The following ABCA4 variants were observed in gnomAD, a reference collection of about 807,000 sequenced individuals.
ABCA4 encodes retinal-specific phospholipid-transporting ATPase ABCA4.
Under a neutral mutation model 263.7 loss-of-function variants are expected in ABCA4, and 196 were observed. The observed-to-expected ratio is 0.74, with a 90% CI of 0.66 to 0.84. ABCA4 has a LOEUF of 0.84. ABCA4 is among the 40% of genes least tolerant of loss of function. The pLI is 0.00. For missense variants in ABCA4, 2,792 were observed against 2,855.1 expected (o/e 0.98, Z 0.50); for synonymous variants, 1,133 against 1,094.2 (o/e 1.04, Z -0.70).
rs1661079055 is a variant in ABCA4 at position 94,060,099 on chromosome 1, A to G, written c.2160+438T>C. Among the ~76,000 whole-genome samples the G allele has an allele frequency of 3.3e-5, 5 of 152,220 alleles. No individual in the cohort carries two copies. In the South Asian group the frequency reaches 6.2e-4, roughly 19 times the overall value. ...GTAAATAATCCAGATCTCCTCCCCT[A>G]CTGCTACTGAAAAGGCAAAAGGCTT... is the stretch of plus-strand genomic sequence containing the variant. On this transcript the variant is annotated intron_variant, in intron 14 of 49. Transcript: ENST00000370225.
intron 19 of ABCA4, 27 bp downstream of exon 19, chr1:94,046,892 A>G (rs777360362): frequency 6.2e-7 from 1 of 1,612,034 alleles, no homozygotes; most frequent in Admixed American, 1.7e-5. Flanking sequence ...CTAGCATGGC[A>G]GCCAGCTTCT....
At chr1:94,011,794 CTG>C (rs1056406471) in intron 38 of ABCA4, among the ~76,000 whole-genome samples, 1 of 152,212 alleles carries the variant, frequency 6.6e-6, no homozygotes, top group African/African-American at 2.4e-5. Flanking sequence ...CTAGGTGACT[CTG>C]GGGGTGACAG....
intron 6 of ABCA4, among the ~76,000 whole-genome samples, chr1:94,088,473 T>G (rs549619446): frequency 2.6e-5 from 4 of 152,364 alleles, no homozygotes; most frequent in African/African-American, 9.6e-5. Flanking sequence ...CCCCAGAGCT[T>G]CAGACTTACA....
At chr1:94,009,510 C>T (rs1219017242) in intron 40 of ABCA4, among the ~76,000 whole-genome samples, 1 of 152,186 alleles carries the variant, frequency 6.6e-6, no homozygotes, top group African/African-American at 2.4e-5. Flanking sequence ...ACTAACTCCT[C>T]TGTCAGCAAT....
chr1:94,018,684 AT>A (rs1389700929), intron 36 of ABCA4: 1 of 444,638 alleles, frequency 2.2e-6, no homozygotes. Context: ...AAATGTTGAG[AT>A]TTTACTACTC....
intron 5 of ABCA4, 65 bp downstream of exon 5, chr1:94,102,950 T>C: frequency 1.2e-6 from 2 of 1,606,090 alleles, no homozygotes; most frequent in Non-Finnish European, 1.7e-6. Flanking sequence ...AATATATTTC[T>C]TGCCTTTCTC....
intron 26 of ABCA4, among the ~76,000 whole-genome samples, chr1:94,035,671 C>T (rs1263739768): frequency 6.6e-6 from 1 of 152,112 alleles, no homozygotes; most frequent in Non-Finnish European, 1.5e-5. Context: ...TGTTAGGAGC[C>T]CAGGGGCAGC....
At chr1:94,048,834 C>T (rs756041039) in intron 18 of ABCA4, 34 bp downstream of exon 18, 159 of 1,604,834 alleles carry the variant, frequency 9.9e-5, no homozygotes, top group South Asian at 8.3e-4. Context: ...GCCTTTTCCT[C>T]GCCTCTGCTG....
intron 36 of ABCA4, among the ~76,000 whole-genome samples, 191 bp from the exon 37 acceptor site, chr1:94,016,045 C>T (rs1353457289): frequency 6.6e-6 from 1 of 152,170 alleles, no homozygotes; most frequent in East Asian, 1.9e-4. Context: ...ACCCCATGCC[C>T]TACCTCCCTG....
intron 5 of ABCA4, 65 bp downstream of exon 5, chr1:94,102,950 T>G: frequency 3.1e-6 from 5 of 1,606,090 alleles, no homozygotes; most frequent in Non-Finnish European, 4.3e-6. Flanking sequence ...AATATATTTC[T>G]TGCCTTTCTC....
At position 94,010,921 on chromosome 1, in the gene ABCA4, G is replaced by A. The variant is rs201707267; in HGVS notation, c.5593C>T (p.His1865Tyr). The A allele has an allele frequency of 6.6e-5, 107 of 1,614,058 alleles. No individual in the cohort carries two copies. In the East Asian group the frequency reaches 2.2e-3, roughly 33 times the overall value. Residue 1865 changes from histidine (H) to tyrosine (Y), a missense_variant, in exon 40 of 50, where the codon CAC (histidine) becomes TAC (tyrosine). His to Tyr is a moderately conservative substitution (Grantham distance 83, BLOSUM62 2). Transcript: ENST00000370225. Reference sequence around the variant, plus strand: ...TCCCAGTGGAACGGATTTGCAGAGTGCTCCTCACCTGGGCATCAACAGGAA... The same window carrying A: ...TCCCAGTGGAACGGATTTGCAGAGTACTCCTCACCTGGGCATCAACAGGAA... The part of the protein sequence containing the change: ...TDVYARFGEE[H>Y]SANPFHWDLI...
At chr1:94,024,149 C>T (rs556492674) in intron 31 of ABCA4, among the ~76,000 whole-genome samples, 1 of 152,278 alleles carries the variant, frequency 6.6e-6, no homozygotes, top group South Asian at 2.1e-4. Flanking sequence ...CAATTTATCC[C>T]TCGTTCAGGG....
chr1:94,057,801 G>T (rs1661020495), intron 14 of ABCA4, among the ~76,000 whole-genome samples: 1 of 152,176 alleles, frequency 6.6e-6, no homozygotes. Flanking sequence ...GATTGTCAAA[G>T]GTATTAGACC....
chr1:94,097,920 T>TTG lies in ABCA4; in HGVS notation c.768+872_768+873dup, dbSNP rs1408251108. Among the ~76,000 whole-genome samples the TTG allele has an allele frequency of 6.6e-5, 10 of 151,904 alleles. No individual in the cohort carries two copies. In the East Asian group the frequency reaches 7.8e-4, roughly 12 times the overall value. ...GCCCGCCACCACACCTGGCTAATTT[T>TTG]TGTGTGTGTGTGTTTTTTAGTAGAG... On this transcript the variant is annotated intron_variant, in intron 6 of 49. Coordinates refer to ENST00000370225, the MANE Select transcript of ABCA4 (RefSeq NM_000350.3).
intron 3 of ABCA4, among the ~76,000 whole-genome samples, chr1:94,111,094 G>A (rs777224459): frequency 1.6e-4 from 25 of 152,344 alleles, no homozygotes; most frequent in Middle Eastern, 3.4e-3. Flanking sequence ...AGGGAACTGA[G>A]TTTTTCTCCT....
rs1662208390 is a variant in ABCA4 at position 94,098,834 on chromosome 1, G to A, written c.728C>T (p.Thr243Ile). The A allele has an allele frequency of 1.2e-6, 2 of 1,614,074 alleles. No individual in the cohort carries two copies. The highest frequency in any genetic ancestry group is 1.7e-5 in the Admixed American group (1 of 60,014). ...GAAGAAGTCCACGTTGGCATACAGA[G>A]TGTCTTCTATCCACTGTAGGGTGCC... ...SQGTLQWIEDTLYANVDFFKL... is the reference protein window; with the variant it reads ...SQGTLQWIEDILYANVDFFKL... The change falls in exon 6 of 50, where the codon ACT becomes ATT. Residue 243 changes from threonine to isoleucine, a missense_variant. By Grantham distance (89) the Thr-to-Ile change is moderately conservative. Coordinates refer to ENST00000370225, the MANE Select transcript of ABCA4 (RefSeq NM_000350.3).
chr1:94,083,932 A>T (rs544607623), intron 6 of ABCA4, among the ~76,000 whole-genome samples: 35 of 152,270 alleles, frequency 2.3e-4, no homozygotes, highest in African/African-American at 7.9e-4. Context: ...CTGCTCTCTC[A>T]TGGAGGATTT....
intron 30 of ABCA4, among the ~76,000 whole-genome samples, chr1:94,026,738 C>A (rs1660048746): frequency 6.6e-6 from 1 of 152,230 alleles, no homozygotes; most frequent in Non-Finnish European, 1.5e-5. Context: ...TCAGGACCCA[C>A]CACATTCAAA....
chr1:94,007,819 G>T, intron 42 of ABCA4, 79 bp from the exon 43 acceptor site: 1 of 1,347,350 alleles, frequency 7.4e-7, no homozygotes, highest in Non-Finnish European at 1.1e-6. Context: ...AAGTGTGTGT[G>T]TGAGCTGGGG....
Sources: allele counts gnomAD v4.1 joint callset (sites outside exome capture counted in the v4.1 genomes callset), GRCh38; gene constraint gnomAD v4.1.1; transcripts MANE v1.5; gene names NCBI Gene and HGNC (gene_info 2026-07-23, HGNC 2026-07-21).